The following DMGDH variants were observed in gnomAD, a reference collection of about 807,000 sequenced individuals.
DMGDH encodes dimethylglycine dehydrogenase, mitochondrial.
DMGDH carries 76 observed loss-of-function variants against 95.2 expected under a neutral mutation model. That is an observed-to-expected ratio of 0.80 (90% confidence interval 0.66 to 0.97). The LOEUF is 0.97. Among genes scored for constraint, DMGDH ranks in the 50% least tolerant of loss-of-function variants. The probability of loss-of-function intolerance (pLI) is 0.00; values close to 1 mark genes in which losing one functional copy is unlikely to be tolerated. For synonymous variants in DMGDH, 345 were observed against 377.6 expected (o/e 0.91, Z 1.00); for missense variants, 987 against 1,055.0 (o/e 0.94, Z 0.89).
At chr5:78,999,667 C>T (rs96525) in intron 15 of DMGDH, among the ~76,000 whole-genome samples, 25,297 of 152,200 alleles carry the variant, frequency 0.17, 2,323 homozygotes, top group Admixed American at 0.22. Context: ...ACTGTGAAAA[C>T]TGGTTGACCG....
chr5:79,001,383 G>A (rs32970), intron 15 of DMGDH, among the ~76,000 whole-genome samples: 30,050 of 152,092 alleles, frequency 0.2, 3,057 homozygotes, highest in Admixed American at 0.22. Context: ...GGCTGGTCTC[G>A]AACTCCTGAA....
At chr5:79,047,168 C>G (rs1754702269) in intron 5 of DMGDH, among the ~76,000 whole-genome samples, 1 of 152,004 alleles carries the variant, frequency 6.6e-6, no homozygotes. Flanking sequence ...GGAAGAGAGA[C>G]AAGTGTGGAA....
chr5:79,018,025 G>T (rs975677656), intron 14 of DMGDH, among the ~76,000 whole-genome samples: 1 of 152,144 alleles, frequency 6.6e-6, no homozygotes, highest in Non-Finnish European at 1.5e-5. Flanking sequence ...CCATACAATG[G>T]AATACTACCT....
chr5:79,008,436 AATC>A (rs1286718572), intron 14 of DMGDH, among the ~76,000 whole-genome samples: 5 of 152,212 alleles, frequency 3.3e-5, no homozygotes, highest in Admixed American at 6.5e-5. Context: ...AAAGACAGGC[AATC>A]AACAAACTGG....
intron 7 of DMGDH, among the ~76,000 whole-genome samples, chr5:79,040,298 T>C (rs571715020): frequency 1.1e-3 from 167 of 152,266 alleles, no homozygotes; most frequent in African/African-American, 3.8e-3. Flanking sequence ...ATACCACACA[T>C]TTGGTGTAAG....
intron 14 of DMGDH, among the ~76,000 whole-genome samples, chr5:79,016,246 G>A (rs1580188230): frequency 2.0e-5 from 3 of 150,486 alleles, no homozygotes; most frequent in East Asian, 3.9e-4. Flanking sequence ...AAAAAAAAAA[G>A]GAATATAAGG....
In DMGDH at chr5:79,044,578, T is replaced by C. The variant is rs193082605; in HGVS notation, c.746-26A>G. 7.3e-5 allele frequency: 118 copies of C among 1,612,950 alleles called. No homozygotes were observed. In the African/African-American group the frequency reaches 1.4e-3, roughly 19 times the overall value. ...CTTAAACAAAAAAATCATTTAAAAG[T>C]GTCAGCCCATATATAAACACATAAC... On this transcript the variant is annotated intron_variant, in intron 5 of 15. Transcript: ENST00000255189.
At chr5:79,063,019 G>A (rs1389312644) in intron 2 of DMGDH, among the ~76,000 whole-genome samples, 1 of 152,092 alleles carries the variant, frequency 6.6e-6, no homozygotes, top group Non-Finnish European at 1.5e-5. Context: ...TTGAACCTGG[G>A]AGGCGGAAGT....
chr5:78,998,025 T>C lies in DMGDH; in HGVS notation c.*57A>G. The stretch of plus-strand genomic sequence containing the variant: ...CTATTCCCCTGGGAGCCAGTTATAA[T>C]AATTTCAAGGACAGTCATTAGCAAC... On this transcript the variant is annotated 3_prime_UTR_variant, in exon 16 of 16. Transcript: ENST00000255189. 6.4e-7 allele frequency: 1 copy of C among 1,569,548 alleles called. No individual in the cohort carries two copies. Among genetic ancestry groups the C allele is most frequent in the South Asian group, 1.1e-5 (1 of 89,710 alleles).
chr5:79,020,024 T>C (rs1431116850), intron 14 of DMGDH, among the ~76,000 whole-genome samples: 1 of 152,214 alleles, frequency 6.6e-6, no homozygotes, highest in Non-Finnish European at 1.5e-5. Flanking sequence ...ACAGTGATGC[T>C]GCTGGTCTGT....
chr5:79,007,438 C>G (rs948104374), intron 14 of DMGDH, among the ~76,000 whole-genome samples: 1 of 151,936 alleles, frequency 6.6e-6, no homozygotes, highest in Admixed American at 6.6e-5. Context: ...GGAACCAATC[C>G]CCCACATACA....
chr5:79,022,252 A>G (rs956571801), intron 14 of DMGDH, among the ~76,000 whole-genome samples: 1 of 152,192 alleles, frequency 6.6e-6, no homozygotes, highest in African/African-American at 2.4e-5. Flanking sequence ...ATAGGCTTAC[A>G]GTATTTAAAA....
intron 7 of DMGDH, among the ~76,000 whole-genome samples, chr5:79,037,533 A>G (rs1463226774): frequency 3.0e-4 from 45 of 152,152 alleles, no homozygotes; most frequent in East Asian, 1.9e-4. Context: ...AAAGACAGGG[A>G]GGCACTTTGC....
Position 79,054,170 on chromosome 5 carries a change from C to G in DMGDH, c.540+14G>C, listed in dbSNP as rs1754949965. ...TAAGTCAACAAATGGTAAAAATGCC[C>G]TTAAGATAAATACCTTATTCATGTT... is the stretch of plus-strand genomic sequence containing the variant. On this transcript the variant is annotated intron_variant, in intron 4 of 15. Coordinates refer to ENST00000255189, the MANE Select transcript of DMGDH (RefSeq NM_013391.3). The G allele has an allele frequency of 6.2e-7, 1 of 1,612,892 alleles. No individual in the cohort carries two copies. Among genetic ancestry groups the G allele is most frequent in the Non-Finnish European group, 8.5e-7 (1 of 1,179,772 alleles).
chr5:78,997,707 T>A lies in DMGDH; in HGVS notation c.*375A>T. The A allele has an allele frequency of 5.0e-6, 1 of 198,106 alleles. No individual in the cohort carries two copies. The highest frequency in any genetic ancestry group is 2.4e-5 in the African/African-American group (1 of 42,356). 12.3% of individuals were successfully genotyped at this position (198,106 alleles called of 1,614,324 possible). On this transcript the variant is annotated 3_prime_UTR_variant, in exon 16 of 16. Coordinates refer to ENST00000255189, the MANE Select transcript of DMGDH (RefSeq NM_013391.3). The stretch of plus-strand genomic sequence containing the variant: ...ACATGTTTTTATGTAAAAGATAATT[T>A]ATTAATTTGTTTTCAGCTGTCAAGA...
At chr5:79,035,196 A>G (rs1754314024) in intron 7 of DMGDH, among the ~76,000 whole-genome samples, 1 of 152,164 alleles carries the variant, frequency 6.6e-6, no homozygotes, top group Non-Finnish European at 1.5e-5. Flanking sequence ...AGCAAGAAAA[A>G]TTATTAAATA....
chr5:79,031,022 T>C (rs1166069771), intron 9 of DMGDH, 24 bp from the exon 10 acceptor site: 1 of 1,613,860 alleles, frequency 6.2e-7, no homozygotes, highest in East Asian at 2.2e-5. Flanking sequence ...TTTAGTGTCA[T>C]AAAACAACTC....
chr5:79,029,869 T>C (rs1396913055), intron 11 of DMGDH, 35 bp downstream of exon 11: 2 of 1,609,486 alleles, frequency 1.2e-6, no homozygotes, highest in Non-Finnish European at 1.7e-6. Context: ...CAATATATAA[T>C]GTGTACAAAA....
chr5:79,017,607 A>C (rs769962322), intron 14 of DMGDH, among the ~76,000 whole-genome samples: 2 of 152,196 alleles, frequency 1.3e-5, no homozygotes, highest in Admixed American at 6.5e-5. Context: ...GGTTTCTTAC[A>C]AAGTTACCAT....
Sources: gnomAD v4.1 joint callset for allele counts (sites outside exome capture counted in the v4.1 genomes callset) on GRCh38, gnomAD v4.1.1 for gene constraint, MANE v1.5 for transcripts, NCBI Gene and HGNC (gene_info 2026-07-23, HGNC 2026-07-21) for gene names.